The following ENTREP2 variants were observed in gnomAD, a reference collection of about 807,000 sequenced individuals.
ENTREP2 encodes the protein protein ENTREP2.
chr15:29,353,961 T>A, the ENTREP2 span, among the ~76,000 whole-genome samples: 22 of 152,168 alleles, frequency 1.4e-4, no homozygotes, highest in East Asian at 5.8e-4. Flanking sequence ...CGAGCCAACT[T>A]GACAGGGCTA....
the ENTREP2 span, among the ~76,000 whole-genome samples, chr15:29,218,464 A>G: frequency 6.6e-6 from 1 of 152,220 alleles, no homozygotes; most frequent in Admixed American, 6.5e-5. Context: ...AGAAAAAACA[A>G]TTCTAAAATT....
the ENTREP2 span, among the ~76,000 whole-genome samples, chr15:29,139,429 A>C: frequency 6.6e-6 from 1 of 152,254 alleles, no homozygotes; most frequent in African/African-American, 2.4e-5. Flanking sequence ...CAGAGCTGAG[A>C]AGCAGGGCGA....
At chr15:29,485,748 T>G in the ENTREP2 span, among the ~76,000 whole-genome samples, 1 of 152,104 alleles carries the variant, frequency 6.6e-6, no homozygotes, top group Admixed American at 6.5e-5. Flanking sequence ...CCAGGAGATA[T>G]ATGAAAGAAT....
the ENTREP2 span, among the ~76,000 whole-genome samples, chr15:29,223,300 A>G: frequency 1.4e-4 from 22 of 152,274 alleles, no homozygotes; most frequent in Non-Finnish European, 2.2e-4. Flanking sequence ...CTCCCTCCAG[A>G]CAAGTCCTCC....
At chr15:29,634,362 T>A in the ENTREP2 span, among the ~76,000 whole-genome samples, 1 of 152,198 alleles carries the variant, frequency 6.6e-6, no homozygotes, top group Non-Finnish European at 1.5e-5. Flanking sequence ...AGAGCTTGGA[T>A]ATAGCCCTGC....
At chr15:29,623,099 G>A in the ENTREP2 span, among the ~76,000 whole-genome samples, 1 of 152,206 alleles carries the variant, frequency 6.6e-6, no homozygotes, top group African/African-American at 2.4e-5. Context: ...TGGACAAAGA[G>A]TTATGGGAGA....
At chr15:29,492,487 A>G in the ENTREP2 span, among the ~76,000 whole-genome samples, 1 of 152,174 alleles carries the variant, frequency 6.6e-6, no homozygotes, top group Non-Finnish European at 1.5e-5. Context: ...TCTACATCAG[A>G]TTGACAAATT....
chr15:29,431,859 C>T, the ENTREP2 span, among the ~76,000 whole-genome samples: 6 of 152,210 alleles, frequency 3.9e-5, no homozygotes, highest in African/African-American at 1.4e-4. Context: ...TCTGAGAACC[C>T]TCATTTTCTA....
At chr15:29,648,659 C>T in the ENTREP2 span, among the ~76,000 whole-genome samples, 3 of 152,090 alleles carry the variant, frequency 2.0e-5, no homozygotes, top group East Asian at 1.9e-4. Flanking sequence ...GTATTAGGGC[C>T]GGGCACAGTG....
chr15:29,237,906 T>C, the ENTREP2 span, among the ~76,000 whole-genome samples: 10 of 152,278 alleles, frequency 6.6e-5, no homozygotes, highest in African/African-American at 2.4e-4. Flanking sequence ...ATATAAATGT[T>C]TATAGCAGCA....
the ENTREP2 span, among the ~76,000 whole-genome samples, chr15:29,571,118 G>C: frequency 6.6e-6 from 1 of 151,506 alleles, no homozygotes; most frequent in African/African-American, 2.4e-5. Flanking sequence ...GGGCGGGAGC[G>C]GGAGCCGGGA....
the ENTREP2 span, among the ~76,000 whole-genome samples, chr15:29,385,444 A>G: frequency 6.6e-6 from 1 of 152,202 alleles, no homozygotes; most frequent in Non-Finnish European, 1.5e-5. Context: ...AACTACAACT[A>G]GGAATGGATC....
chr15:29,209,408 A>G, the ENTREP2 span, among the ~76,000 whole-genome samples: 1 of 152,160 alleles, frequency 6.6e-6, no homozygotes, highest in Non-Finnish European at 1.5e-5. Flanking sequence ...AGGCTAAGGC[A>G]GGGATATCAC....
the ENTREP2 span, among the ~76,000 whole-genome samples, chr15:29,504,029 A>C: frequency 1.3e-5 from 2 of 152,228 alleles, no homozygotes; most frequent in African/African-American, 4.8e-5. Flanking sequence ...AAAGTCTAAT[A>C]ATACTTGGTA....
the ENTREP2 span, among the ~76,000 whole-genome samples, chr15:29,662,959 C>T: frequency 5.5e-4 from 83 of 151,858 alleles, 1 homozygote; most frequent in South Asian, 8.5e-3. Context: ...GTGATCCGCC[C>T]GCCTCGGCCT....
chr15:29,635,559 C>A, the ENTREP2 span, among the ~76,000 whole-genome samples: 6 of 152,236 alleles, frequency 3.9e-5, no homozygotes, highest in Middle Eastern at 3.4e-3. Flanking sequence ...GCCACGATGA[C>A]CCATTCTCCT....
the ENTREP2 span, chr15:29,126,310 G>A: frequency 2.7e-6 from 4 of 1,508,720 alleles, no homozygotes; most frequent in Non-Finnish European, 3.6e-6. Context: ...TGGTGGAGCG[G>A]GACACACGCC....
the ENTREP2 span, among the ~76,000 whole-genome samples, chr15:29,530,431 C>T: frequency 6.6e-6 from 1 of 152,190 alleles, no homozygotes. Flanking sequence ...CAACCTAAAA[C>T]TTGCTTCCAC....
the ENTREP2 span, among the ~76,000 whole-genome samples, chr15:29,420,539 T>G: frequency 6.6e-6 from 1 of 152,172 alleles, no homozygotes. Flanking sequence ...AGGCTCTTAA[T>G]GGCTAAAAAT....
Sources: gnomAD v4.1 joint callset for allele counts (sites outside exome capture counted in the v4.1 genomes callset) on GRCh38, gnomAD v4.1.1 for gene constraint, MANE v1.5 for transcripts, NCBI Gene and HGNC (gene_info 2026-07-23, HGNC 2026-07-21) for gene names.